Variants in RPTOR observed in about 807,000 individuals in gnomAD.
RPTOR encodes the protein regulatory-associated protein of mTOR.
A neutral mutation model predicts 169.9 loss-of-function variants in RPTOR; 21 were observed. The ratio of observed to expected loss-of-function variants is 0.12; its 90% CI spans 0.09 to 0.18. The LOEUF (loss-of-function observed/expected upper bound fraction) is 0.18. RPTOR is among the 10% of genes least tolerant of loss of function. The probability of loss-of-function intolerance (pLI) is 1.00; values close to 1 mark genes in which losing one functional copy is unlikely to be tolerated. For missense variants in RPTOR, 1,133 were observed against 1,855.9 expected (o/e 0.61, Z 7.16); for synonymous variants, 732 against 753.2 (o/e 0.97, Z 0.46).
rs558554982 is a variant in RPTOR at position 80,546,588 on chromosome 17, C to T, written c.162+797C>T. On this transcript the variant is annotated intron_variant, in intron 1 of 33. Coordinates refer to ENST00000306801, the MANE Select transcript of RPTOR (RefSeq NM_020761.3). Reference sequence around the variant, plus strand: ...TAGTACTGCTTCTCCTCTATGCACACTTATAATTTGTCTTTTTGTAAGTTA... The same window carrying T: ...TAGTACTGCTTCTCCTCTATGCACATTTATAATTTGTCTTTTTGTAAGTTA... Among the ~76,000 whole-genome samples, 3 of 152,242 alleles carry T rather than the reference C, an allele frequency of 2.0e-5. No homozygotes were observed. The East Asian group carries it at 5.8e-4, about 29-fold the overall frequency.
chr17:80,940,082 TTC>T (rs1438059953), intron 24 of RPTOR, among the ~76,000 whole-genome samples: 33 of 152,274 alleles, frequency 2.2e-4, no homozygotes, highest in Admixed American at 2.1e-3. Context: ...GCCCAAAGCC[TTC>T]AGCCTTTGAG....
Position 80,778,251 on chromosome 17 carries a change from A to G in RPTOR, c.831-13199A>G, listed in dbSNP as rs537092537. Among the ~76,000 whole-genome samples the G allele has an allele frequency of 2.0e-5, 3 of 152,286 alleles. No homozygotes were observed. The South Asian group carries it at 6.2e-4, about 32-fold the overall frequency. Reference sequence around the variant, plus strand: ...GAGCCTGATGTTAATGACAGATAAAAATTGATGTCAGATAGAAAATTAACC... The same window carrying G: ...GAGCCTGATGTTAATGACAGATAAAGATTGATGTCAGATAGAAAATTAACC... On this transcript the variant is annotated intron_variant, in intron 6 of 33. Transcript: ENST00000306801.
At position 80,611,958 on chromosome 17, in the gene RPTOR, A is replaced by G. The variant is rs376657069; in HGVS notation, c.163-13733A>G. On this transcript the variant is annotated intron_variant, in intron 1 of 33. Coordinates refer to ENST00000306801, the MANE Select transcript of RPTOR (RefSeq NM_020761.3). ...TTTCACTTGTCTTTTCATTCCCTGC[A>G]TTTCCTGCAAACTGGAAGTTCAATC... Among the ~76,000 whole-genome samples the G allele has an allele frequency of 3.3e-5, 5 of 152,116 alleles. No individual in the cohort carries two copies. In the East Asian group the frequency reaches 7.8e-4, roughly 24 times the overall value.
At chr17:80,918,483 C>CACCCTCGCGGGGGTCATAGCCAT (rs1567986165) in intron 21 of RPTOR, among the ~76,000 whole-genome samples, 2 of 82,592 alleles carry the variant, frequency 2.4e-5, no homozygotes, top group East Asian at 4.9e-4. Context: ...GTCATAGCCA[C>CACCCTCGCGGGGGTCATAGCCAT]GAGCACCCTC....
rs528609409 is a variant in RPTOR at position 80,603,223 on chromosome 17, T to C, written c.163-22468T>C. 2.4e-4 allele frequency among the ~76,000 whole-genome samples: 37 copies of C among 152,368 alleles called. No individual in the cohort carries two copies. The South Asian group carries it at 7.2e-3, about 30-fold the overall frequency. ...GAGTAAAATTGGAAATAATTTTAAA[T>C]CTAATTTATCTTGTTGTCAAACCAA... On this transcript the variant is annotated intron_variant, in intron 1 of 33. Coordinates refer to ENST00000306801, the MANE Select transcript of RPTOR (RefSeq NM_020761.3).
At chr17:80,830,558 T>A (rs976911239) in intron 9 of RPTOR, among the ~76,000 whole-genome samples, 2 of 152,160 alleles carry the variant, frequency 1.3e-5, no homozygotes, top group African/African-American at 4.8e-5. Context: ...CGCCCCACGG[T>A]GCCCCCGCGC....
At chr17:80,724,313 A>T (rs2066312101) in intron 4 of RPTOR, among the ~76,000 whole-genome samples, 1 of 151,174 alleles carries the variant, frequency 6.6e-6, no homozygotes, top group Non-Finnish European at 1.5e-5. Context: ...TGGAAGGGTC[A>T]GGAGAGAGGA....
rs1430944861 is a variant in RPTOR at position 80,721,247 on chromosome 17, A to G, written c.508-9313A>G. Among the ~76,000 whole-genome samples the G allele has an allele frequency of 1.3e-5, 2 of 151,262 alleles. No individual in the cohort carries two copies. Among genetic ancestry groups the G allele is most frequent in the Non-Finnish European group, 2.9e-5 (2 of 68,022 alleles). ...AGTGCTCTGTCATCCTGGGGTCAGT[A>G]GGATGAAAGATGTCGTAGCAGCACA... On this transcript the variant is annotated intron_variant, in intron 4 of 33. Coordinates refer to ENST00000306801, the MANE Select transcript of RPTOR (RefSeq NM_020761.3). This position sits in a 1 kb window ranked among gnomAD's most constrained non-coding sequence, Gnocchi z 4.7.
At chr17:80,811,402 C>T (rs2067270538) in intron 7 of RPTOR, among the ~76,000 whole-genome samples, 1 of 152,230 alleles carries the variant, frequency 6.6e-6, no homozygotes, top group South Asian at 2.1e-4. Context: ...AGATGTTAAA[C>T]AGTCTTGCAT....
At chr17:80,912,484 CTG>C (rs898817548) in intron 21 of RPTOR, among the ~76,000 whole-genome samples, 15 of 152,268 alleles carry the variant, frequency 9.9e-5, no homozygotes, top group African/African-American at 3.6e-4. Context: ...TTATTTTAAA[CTG>C]TAATCCGAGT....
At chr17:80,755,444 A>T (rs772533603) in intron 6 of RPTOR, among the ~76,000 whole-genome samples, 7 of 152,148 alleles carry the variant, frequency 4.6e-5, no homozygotes, top group Non-Finnish European at 8.8e-5. Context: ...TCTAAAAAGA[A>T]AATAGAAAAA....
intron 8 of RPTOR, among the ~76,000 whole-genome samples, chr17:80,822,806 G>C (rs548144136): frequency 6.8e-6 from 1 of 146,506 alleles, no homozygotes; most frequent in Admixed American, 6.7e-5. Flanking sequence ...GTGTATTTGT[G>C]TATGCGTGCC....
In RPTOR at chr17:80,734,798, C is replaced by T. The variant is rs534659716; in HGVS notation, c.654+4092C>T. On this transcript the variant is annotated intron_variant, in intron 5 of 33. Coordinates refer to ENST00000306801, the MANE Select transcript of RPTOR (RefSeq NM_020761.3). ...CCTTGGAGTCAACTAACTGTGGCTC[C>T]AAGACATTCGGGGAAAAAAAATTGC... is the stretch of plus-strand genomic sequence containing the variant. Among the ~76,000 whole-genome samples, 34 of 152,242 alleles carry T rather than the reference C, an allele frequency of 2.2e-4. No homozygotes were observed. The South Asian group carries it at 6.8e-3, about 31-fold the overall frequency.
rs117119958 is a variant in RPTOR, at chr17:80,800,327, G to A, written c.890+8818G>A. On this transcript the variant is annotated intron_variant, in intron 7 of 33. Transcript: ENST00000306801. The stretch of plus-strand genomic sequence containing the variant: ...ACGATATGTCTTCCAAAATAAATGC[G>A]GTTTATTTCAAACAGCAGCACTCAA... 3.4e-4 allele frequency among the ~76,000 whole-genome samples: 52 copies of A among 152,242 alleles called. 1 individual carries two copies. In the East Asian group the frequency reaches 9.6e-3, roughly 28 times the overall value.
chr17:80,772,424 TC>T (rs1330821702), intron 6 of RPTOR, among the ~76,000 whole-genome samples: 5 of 130,692 alleles, frequency 3.8e-5, no homozygotes, highest in African/African-American at 1.2e-4. Flanking sequence ...CATGACTGGT[TC>T]CCCCTGTCTC....
intron 1 of RPTOR, among the ~76,000 whole-genome samples, chr17:80,613,895 A>T (rs773565083): frequency 3.3e-5 from 5 of 152,234 alleles, no homozygotes; most frequent in Non-Finnish European, 5.9e-5. Context: ...GAGCACGATG[A>T]AGCGTCTATC....
intron 17 of RPTOR, among the ~76,000 whole-genome samples, chr17:80,887,677 G>T (rs1456557778): frequency 6.6e-6 from 1 of 152,238 alleles, no homozygotes; most frequent in East Asian, 1.9e-4. Flanking sequence ...AGAGGAGGGT[G>T]TTACTGCTGC....
intron 3 of RPTOR, among the ~76,000 whole-genome samples, chr17:80,686,367 A>G (rs910332522): frequency 4.8e-5 from 6 of 125,360 alleles, no homozygotes; most frequent in African/African-American, 2.4e-4. Flanking sequence ...TTTTATTTTT[A>G]GTAGAGACGG....
intron 6 of RPTOR, among the ~76,000 whole-genome samples, chr17:80,768,562 G>A (rs11150741): frequency 0.56 from 84,760 of 151,818 alleles, 25,334 homozygotes; most frequent in East Asian, 0.8. Flanking sequence ...GCTCAGCCCC[G>A]GCCTCACTCC....
Sources: allele counts gnomAD v4.1 joint callset (sites outside exome capture counted in the v4.1 genomes callset), GRCh38; gene constraint gnomAD v4.1.1; non-coding constraint Gnocchi (gnomAD v3.1); transcripts MANE v1.5; gene names NCBI Gene and HGNC (gene_info 2026-07-23, HGNC 2026-07-21).